The following ZSWIM5 variants were observed in gnomAD, a reference collection of about 807,000 sequenced individuals.
The protein encoded by ZSWIM5 is zinc finger SWIM domain-containing protein 5.
A neutral mutation model predicts 119.6 loss-of-function variants in ZSWIM5; 55 were observed. The ratio of observed to expected loss-of-function variants is 0.46; its 90% confidence interval spans 0.37 to 0.58. The LOEUF (loss-of-function observed/expected upper bound fraction) is 0.58, where lower values mean the gene tolerates loss of function less well. Among genes scored for constraint, ZSWIM5 ranks in the 20% least tolerant of loss-of-function variants. ZSWIM5 has a pLI of 0.00. For missense variants in ZSWIM5, 1,193 were observed against 1,512.8 expected (o/e 0.79, Z 3.51); for synonymous variants, 537 against 606.9 (o/e 0.88, Z 1.69).
chr1:45,032,792 ATT>A (rs11309060), intron 11 of ZSWIM5, among the ~76,000 whole-genome samples: 10,456 of 148,588 alleles, frequency 0.07, 420 homozygotes, highest in East Asian at 0.13. Flanking sequence ...TGGCCTGATA[ATT>A]TTTTTTTTTT....
chr1:45,116,960 T>C (rs1468658328), intron 1 of ZSWIM5, among the ~76,000 whole-genome samples: 1 of 152,174 alleles, frequency 6.6e-6, no homozygotes, highest in Non-Finnish European at 1.5e-5. Flanking sequence ...CTGTTTACAA[T>C]AAGCCAAAGG....
At chr1:45,023,857 AC>A (rs1221926821) in intron 11 of ZSWIM5, among the ~76,000 whole-genome samples, 3 of 152,240 alleles carry the variant, frequency 2.0e-5, no homozygotes, top group African/African-American at 7.2e-5. Context: ...CTGTTGCTCC[AC>A]ATCCTTGTCA....
intron 1 of ZSWIM5, among the ~76,000 whole-genome samples, chr1:45,166,616 A>T (rs1223440451): frequency 6.6e-6 from 1 of 152,210 alleles, no homozygotes; most frequent in Non-Finnish European, 1.5e-5. Context: ...ACGCAACTTC[A>T]GCAAAGTGTC....
chr1:45,078,651 C>T (rs894899804), intron 2 of ZSWIM5, among the ~76,000 whole-genome samples: 2 of 152,168 alleles, frequency 1.3e-5, no homozygotes, highest in African/African-American at 4.8e-5. Flanking sequence ...AGGTCTCACC[C>T]AAGGTTTGCT....
chr1:45,123,045 C>CA (rs772539944), intron 1 of ZSWIM5, among the ~76,000 whole-genome samples: 2 of 152,190 alleles, frequency 1.3e-5, no homozygotes, highest in Non-Finnish European at 2.9e-5. Flanking sequence ...ATTCTCTAAG[C>CA]ATGGAGGGGC....
intron 1 of ZSWIM5, among the ~76,000 whole-genome samples, chr1:45,199,392 G>T (rs61789778): frequency 6.6e-6 from 1 of 151,116 alleles, no homozygotes; most frequent in East Asian, 2.0e-4. Flanking sequence ...TCTGCCTCCC[G>T]GCTTCAAGCA....
chr1:45,197,156 A>G (rs1646130612), intron 1 of ZSWIM5, among the ~76,000 whole-genome samples: 2 of 152,356 alleles, frequency 1.3e-5, no homozygotes, highest in African/African-American at 4.8e-5. Flanking sequence ...GAACCTGGAC[A>G]GGAACTTTCA....
At chr1:45,133,779 G>A (rs346691) in intron 1 of ZSWIM5, among the ~76,000 whole-genome samples, 106,953 of 151,408 alleles carry the variant, frequency 0.71, 38,510 homozygotes, top group African/African-American at 0.81. Context: ...TCTTGAATTA[G>A]TTTTTGTATA....
intron 1 of ZSWIM5, among the ~76,000 whole-genome samples, chr1:45,129,590 T>C (rs888773976): frequency 3.9e-5 from 6 of 152,218 alleles, no homozygotes; most frequent in East Asian, 1.9e-4. Context: ...AGGAAAGCAA[T>C]TGACTTTCAT....
intron 11 of ZSWIM5, 107 bp from the exon 12 acceptor site, chr1:45,020,895 C>T: frequency 2.3e-6 from 3 of 1,314,918 alleles, no homozygotes; most frequent in Non-Finnish European, 3.2e-6. Context: ...TCATTGAATG[C>T]TTCTGAATGC....
intron 1 of ZSWIM5, among the ~76,000 whole-genome samples, chr1:45,143,209 C>G (rs1414441232): frequency 6.7e-6 from 1 of 148,696 alleles, no homozygotes; most frequent in Non-Finnish European, 1.5e-5. Flanking sequence ...AAAGAAAACA[C>G]AGACCAATAT....
chr1:45,044,146 C>T (rs1300240868), intron 5 of ZSWIM5, among the ~76,000 whole-genome samples: 1 of 150,270 alleles, frequency 6.7e-6, no homozygotes, highest in Non-Finnish European at 1.5e-5. Context: ...GCCAAGATTA[C>T]ACCACTGCAC....
chr1:45,152,302 G>T (rs547689038), intron 1 of ZSWIM5, among the ~76,000 whole-genome samples: 1 of 152,196 alleles, frequency 6.6e-6, no homozygotes, highest in Non-Finnish European at 1.5e-5. Context: ...AACCAGTTAC[G>T]CAAGTGCAAT....
intron 6 of ZSWIM5, 102 bp from the exon 7 acceptor site, chr1:45,040,640 C>T: frequency 1.0e-6 from 1 of 970,734 alleles, no homozygotes; most frequent in Non-Finnish European, 1.5e-6. Flanking sequence ...TCCTCAAATT[C>T]AACCTGACAC....
At chr1:45,149,177 C>G (rs1645780474) in intron 1 of ZSWIM5, among the ~76,000 whole-genome samples, 1 of 152,006 alleles carries the variant, frequency 6.6e-6, no homozygotes, top group Non-Finnish European at 1.5e-5. Context: ...AGCAGGAGGG[C>G]TGCTTGAGTC....
intron 1 of ZSWIM5, among the ~76,000 whole-genome samples, chr1:45,181,469 G>A (rs1256702922): frequency 6.6e-6 from 1 of 152,128 alleles, no homozygotes; most frequent in Admixed American, 6.6e-5. Context: ...TGGTATACCT[G>A]AAAGGGACAG....
intron 1 of ZSWIM5, among the ~76,000 whole-genome samples, chr1:45,096,311 CCCTA>C (rs1477846551): frequency 6.8e-6 from 1 of 146,236 alleles, no homozygotes; most frequent in African/African-American, 2.5e-5. Flanking sequence ...ACACACACAC[CCCTA>C]CCTGCTTTAC....
Position 45,093,833 on chromosome 1 carries a change from C to T in ZSWIM5, c.596-5596G>A, listed in dbSNP as rs1014553977. ...TCAATAATCTATTAATTTAAGCAAA[C>T]ATGTAGAAGCTTGTTTTTTTTTTTT... On this transcript the variant is annotated intron_variant, in intron 1 of 13. Transcript: ENST00000359600. Among the ~76,000 whole-genome samples the T allele has an allele frequency of 2.1e-5, 3 of 142,780 alleles. No individual in the cohort carries two copies. In the East Asian group the frequency reaches 5.9e-4, roughly 28 times the overall value. The allele number at this position is 142,780 out of a possible 152,430, so 93.7% of individuals were successfully genotyped here.
intron 1 of ZSWIM5, among the ~76,000 whole-genome samples, chr1:45,186,985 A>T (rs1041282878): frequency 6.6e-6 from 1 of 152,252 alleles, no homozygotes; most frequent in African/African-American, 2.4e-5. Flanking sequence ...AATTTGTTAC[A>T]GTAGTAGTTT....
Sources: gnomAD v4.1 joint callset for allele counts (sites outside exome capture counted in the v4.1 genomes callset) on GRCh38, gnomAD v4.1.1 for gene constraint, MANE v1.5 for transcripts, NCBI Gene and HGNC (gene_info 2026-07-23, HGNC 2026-07-21) for gene names.